Variants in PRDM6 observed in about 807,000 individuals in gnomAD.
PRDM6 encodes the protein putative histone-lysine N-methyltransferase PRDM6.
PRDM6 carries 25 observed loss-of-function variants against 60.8 expected under a neutral mutation model. That is an observed-to-expected ratio of 0.41 (90% confidence interval 0.30 to 0.57). The LOEUF (loss-of-function observed/expected upper bound fraction) is 0.57, where lower values mean the gene tolerates loss of function less well. Ranked by LOEUF, PRDM6 falls within the 20% of genes least tolerant of loss-of-function variation. PRDM6 has a pLI of 0.27. For missense variants in PRDM6, 839 were observed against 821.3 expected (o/e 1.02, Z -0.26); for synonymous variants, 407 against 357.4 (o/e 1.14, Z -1.57).
chr5:123,106,330 C>A (rs923409211), intron 3 of PRDM6, among the ~76,000 whole-genome samples: 4 of 152,212 alleles, frequency 2.6e-5, no homozygotes, highest in African/African-American at 9.6e-5. Flanking sequence ...GGACATCACA[C>A]ACATTTGCTT....
chr5:123,149,774 C>T (rs897690857), intron 3 of PRDM6, among the ~76,000 whole-genome samples: 5 of 152,146 alleles, frequency 3.3e-5, no homozygotes, highest in East Asian at 1.9e-4. Flanking sequence ...ACTATTAACA[C>T]GTCAACTGTT....
chr5:123,119,875 G>A (rs1046742903), intron 3 of PRDM6, among the ~76,000 whole-genome samples: 5 of 152,090 alleles, frequency 3.3e-5, no homozygotes, highest in Admixed American at 1.3e-4. Flanking sequence ...AAATACATGA[G>A]TGGTTATACT....
intron 3 of PRDM6, among the ~76,000 whole-genome samples, chr5:123,153,787 G>A (rs1688306642): frequency 6.6e-6 from 1 of 152,132 alleles, no homozygotes; most frequent in African/African-American, 2.4e-5. Context: ...GTGATCAAAT[G>A]AGCCAACGGT....
At chr5:123,179,998 G>C in intron 6 of PRDM6, 149 bp from the exon 7 acceptor site, 1 of 700,680 alleles carries the variant, frequency 1.4e-6, no homozygotes. Context: ...AACAAGTAAA[G>C]TAGTGGGAAT....
At chr5:123,138,106 C>T (rs908937694) in intron 3 of PRDM6, among the ~76,000 whole-genome samples, 2 of 152,064 alleles carry the variant, frequency 1.3e-5, no homozygotes, top group Non-Finnish European at 2.9e-5. Context: ...AAGAATTTTT[C>T]TGTTTCACTC....
chr5:123,135,693 G>T (rs894663514), intron 3 of PRDM6, among the ~76,000 whole-genome samples: 1 of 151,960 alleles, frequency 6.6e-6, no homozygotes, highest in Admixed American at 6.6e-5. Context: ...TAAAACAAAT[G>T]ATTTAAGAAT....
In PRDM6 at chr5:123,191,858, G is replaced by A. The variant is rs1467813459; in HGVS notation, c.*4657G>A. ...TGGCCAGACAGAGCCAAACTGAAAA[G>A]AATATTGCTTTATCTGTGGAAACCT... is the stretch of plus-strand genomic sequence containing the variant. On this transcript the variant is annotated 3_prime_UTR_variant, in exon 8 of 8. Coordinates refer to ENST00000407847, the MANE Select transcript of PRDM6 (RefSeq NM_001136239.4). The A allele has an allele frequency of 6.6e-6, 1 of 152,192 alleles. No homozygotes were observed. Among genetic ancestry groups the A allele is most frequent in the Non-Finnish European group, 1.5e-5 (1 of 68,036 alleles). 9.4% of individuals were successfully genotyped at this position (152,192 alleles called of 1,614,324 possible).
intron 3 of PRDM6, among the ~76,000 whole-genome samples, chr5:123,149,695 A>G (rs980661628): frequency 1.3e-5 from 2 of 152,222 alleles, no homozygotes; most frequent in Non-Finnish European, 2.9e-5. Flanking sequence ...TTACATTCAT[A>G]TACCATTTCT....
intron 3 of PRDM6, among the ~76,000 whole-genome samples, chr5:123,154,455 G>A (rs1017651698): frequency 6.6e-6 from 1 of 151,976 alleles, no homozygotes; most frequent in Non-Finnish European, 1.5e-5. Context: ...ATTTCATTGT[G>A]GGGTTAGTGG....
intron 3 of PRDM6, among the ~76,000 whole-genome samples, chr5:123,105,922 G>A (rs557494213): frequency 3.9e-5 from 6 of 152,248 alleles, no homozygotes; most frequent in South Asian, 2.1e-4. Context: ...TTGACCTTTC[G>A]TCATGTCAAT....
At chr5:123,100,601 G>T (rs923867486) in intron 3 of PRDM6, among the ~76,000 whole-genome samples, 1 of 152,214 alleles carries the variant, frequency 6.6e-6, no homozygotes, top group African/African-American at 2.4e-5. Flanking sequence ...CGCAAATTCT[G>T]CTGCTTCTCT....
chr5:123,098,760 C>T (rs1192563817), intron 2 of PRDM6, among the ~76,000 whole-genome samples: 4 of 152,348 alleles, frequency 2.6e-5, no homozygotes, highest in Admixed American at 2.6e-4. Flanking sequence ...GTTAAATTTG[C>T]TATTCCTTTC....
chr5:123,117,827 T>C (rs960846696), intron 3 of PRDM6, among the ~76,000 whole-genome samples: 3 of 152,208 alleles, frequency 2.0e-5, no homozygotes. Flanking sequence ...GGACCAGAAA[T>C]TGTGGATTAT....
chr5:123,160,302 G>A lies in PRDM6; in HGVS notation c.1153+664G>A, dbSNP rs138299018. Among the ~76,000 whole-genome samples the A allele has an allele frequency of 3.4e-3, 516 of 152,246 alleles. 1 individual carries two copies. The highest frequency in any genetic ancestry group is 4.4e-3 in the African/African-American group (181 of 41,546). On this transcript the variant is annotated intron_variant, in intron 5 of 7. Coordinates refer to ENST00000407847, the MANE Select transcript of PRDM6 (RefSeq NM_001136239.4). ...AATGTGAACTTGCAGCAACTTTCAT[G>A]TAAACTTTATATTTCTGCTCTATCA...
chr5:123,148,763 T>A (rs1191652961), intron 3 of PRDM6, among the ~76,000 whole-genome samples: 5 of 152,242 alleles, frequency 3.3e-5, no homozygotes, highest in Admixed American at 6.5e-5. Flanking sequence ...TAAAGAACTT[T>A]ATTAATCATT....
chr5:123,124,113 T>C (rs559807080), intron 3 of PRDM6, among the ~76,000 whole-genome samples: 51 of 152,276 alleles, frequency 3.3e-4, no homozygotes, highest in Non-Finnish European at 1.2e-4. Flanking sequence ...CTGCTCCTTC[T>C]GTGTTGAAGG....
intron 3 of PRDM6, among the ~76,000 whole-genome samples, chr5:123,137,245 C>T (rs1436406052): frequency 6.6e-6 from 1 of 152,144 alleles, no homozygotes; most frequent in Non-Finnish European, 1.5e-5. Context: ...AATTCCAAGA[C>T]CTGAATCTGA....
intron 3 of PRDM6, among the ~76,000 whole-genome samples, chr5:123,145,626 A>G (rs1486260448): frequency 2.0e-5 from 3 of 152,158 alleles, no homozygotes; most frequent in Non-Finnish European, 2.9e-5. Context: ...CATCTCTTGC[A>G]TAGTTGTCTG....
At chr5:123,145,795 C>T (rs569969114) in intron 3 of PRDM6, among the ~76,000 whole-genome samples, 1 of 152,312 alleles carries the variant, frequency 6.6e-6, no homozygotes, top group East Asian at 1.9e-4. Flanking sequence ...GTCTGACAAT[C>T]ACACTTTGTT....
Sources: gnomAD v4.1 joint callset for allele counts (sites outside exome capture counted in the v4.1 genomes callset) on GRCh38, gnomAD v4.1.1 for gene constraint, MANE v1.5 for transcripts, NCBI Gene and HGNC (gene_info 2026-07-23, HGNC 2026-07-21) for gene names.